Variants in ARID3A observed in about 807,000 individuals in gnomAD.
ARID3A encodes the protein AT-rich interaction domain 3A.
A neutral mutation model predicts 52.7 loss-of-function variants in ARID3A; 11 were observed. The ratio of observed to expected loss-of-function variants is 0.21; its 90% confidence interval spans 0.13 to 0.35. The LOEUF (loss-of-function observed/expected upper bound fraction) is 0.35, where lower values mean the gene tolerates loss of function less well. ARID3A is among the 10% of genes least tolerant of loss of function. The pLI, the probability that ARID3A is intolerant of heterozygous loss-of-function variation, is 1.00. For synonymous variants in ARID3A, 404 were observed against 359.4 expected (o/e 1.12, Z -1.40); for missense variants, 721 against 838.5 (o/e 0.86, Z 1.73).
chr19:937,894 G>T (rs1228278014), intron 3 of ARID3A, among the ~76,000 whole-genome samples: 1 of 151,812 alleles, frequency 6.6e-6, no homozygotes, highest in Non-Finnish European at 1.5e-5. Flanking sequence ...TTTTTTAGTA[G>T]AGATGGGGTT....
intron 4 of ARID3A, among the ~76,000 whole-genome samples, chr19:962,161 C>T (rs2238585): frequency 0.67 from 102,622 of 152,070 alleles, 35,501 homozygotes; most frequent in Middle Eastern, 0.79. Context: ...GCTGAGAATC[C>T]GTCAGGTGAA....
chr19:963,001 G>C (rs2038075375), intron 4 of ARID3A, among the ~76,000 whole-genome samples: 1 of 152,174 alleles, frequency 6.6e-6, no homozygotes, highest in Admixed American at 6.5e-5. Context: ...CTCCAACCTG[G>C]GATCTCCTCC....
In ARID3A at chr19:932,648, C is replaced by T. The variant is rs766151255; in HGVS notation, c.599C>T (p.Pro200Leu). The T allele has an allele frequency of 2.2e-5, 34 of 1,543,050 alleles. 1 individual carries two copies. In the South Asian group the frequency reaches 3.3e-4, roughly 15 times the overall value. The stretch of plus-strand genomic sequence containing the variant: ...CTGGGGGGCCAGGAGCGGCCGGGGC[C>T]TGGCCCTGCCCACCCCGGAGGGGCC... The part of the protein sequence containing the change: ...RVLGGQERPG[P>L]GPAHPGGAAH... Residue 200 changes from proline to leucine, a missense_variant, in exon 3 of 9, where the codon CCT becomes CTT. By Grantham distance (98) the Pro-to-Leu change is moderately conservative. Transcript: ENST00000263620.
intron 3 of ARID3A, among the ~76,000 whole-genome samples, chr19:940,360 C>T (rs1001929753): frequency 6.6e-6 from 1 of 151,728 alleles, no homozygotes; most frequent in Non-Finnish European, 1.5e-5. Context: ...CACTGGGCCG[C>T]ATTTACAGCC....
intron 3 of ARID3A, among the ~76,000 whole-genome samples, chr19:955,788 G>T (rs2037904258): frequency 6.6e-6 from 1 of 152,204 alleles, no homozygotes; most frequent in African/African-American, 2.4e-5. Flanking sequence ...GCCCTGGAAG[G>T]GCCCAAGGTG....
chr19:932,814 G>A (rs148471694), intron 3 of ARID3A, 72 bp downstream of exon 3: 78 of 1,538,324 alleles, frequency 5.1e-5, no homozygotes, highest in Middle Eastern at 2.3e-4. Context: ...GAAGGCCCAC[G>A]TTGCACGGGG....
At chr19:932,284 C>A in intron 2 of ARID3A, 134 bp from the exon 3 acceptor site, 1 of 1,490,296 alleles carries the variant, frequency 6.7e-7, no homozygotes, top group Non-Finnish European at 9.0e-7. Context: ...GCGCTCTCTG[C>A]AGTCTGAGCT....
intron 3 of ARID3A, among the ~76,000 whole-genome samples, chr19:933,734 C>G (rs1017040649): frequency 6.6e-6 from 1 of 152,066 alleles, no homozygotes; most frequent in Admixed American, 6.6e-5. Context: ...GGCCCTAACC[C>G]CAGCAGCCCT....
rs553661215 is a variant in ARID3A, at chr19:938,750, G to A, written c.693+6008G>A. Among the ~76,000 whole-genome samples, 6 of 152,250 alleles carry A rather than the reference G, an allele frequency of 3.9e-5. No individual in the cohort carries two copies. Among genetic ancestry groups the A allele is most frequent in the South Asian group, 2.1e-4 (1 of 4,816 alleles). ...TCAGGCTCAAGGCCAGACACACCTC[G>A]CTGGGCCCAGCCCCAGAGACCGCTG... is the stretch of plus-strand genomic sequence containing the variant. On this transcript the variant is annotated intron_variant, in intron 3 of 8. Coordinates refer to ENST00000263620, the MANE Select transcript of ARID3A (RefSeq NM_005224.3). This position sits in a 1 kb window ranked among gnomAD's most constrained non-coding sequence, Gnocchi z 4.0.
intron 3 of ARID3A, among the ~76,000 whole-genome samples, chr19:934,284 G>A (rs191638947): frequency 3.9e-5 from 6 of 152,240 alleles, no homozygotes; most frequent in East Asian, 1.9e-4. Flanking sequence ...CACACGCCCC[G>A]CCCAGACAGC....
intron 3 of ARID3A, among the ~76,000 whole-genome samples, chr19:954,441 T>G (rs2037872443): frequency 6.6e-6 from 1 of 152,252 alleles, no homozygotes; most frequent in Non-Finnish European, 1.5e-5. Flanking sequence ...CGCATTTTCT[T>G]GGCATCGCAC....
In ARID3A at chr19:941,239, C is replaced by T. The variant is rs1170186931; in HGVS notation, c.693+8497C>T. 6.6e-6 allele frequency among the ~76,000 whole-genome samples: 1 copy of T among 152,248 alleles called. No homozygotes were observed. Among genetic ancestry groups the T allele is most frequent in the Non-Finnish European group, 1.5e-5 (1 of 68,038 alleles). ...GAATGGGCGTGGTGAGCCGCCGTGG[C>T]GTGCGTGCGAGTGTGCACGCTGGGG... On this transcript the variant is annotated intron_variant, in intron 3 of 8. Coordinates refer to ENST00000263620, the MANE Select transcript of ARID3A (RefSeq NM_005224.3). This position sits in a 1 kb window ranked among gnomAD's most constrained non-coding sequence, Gnocchi z 6.9.
intron 2 of ARID3A, 57 bp from the exon 3 acceptor site, chr19:932,361 T>C: frequency 6.4e-7 from 1 of 1,564,000 alleles, no homozygotes; most frequent in Non-Finnish European, 8.6e-7. Flanking sequence ...GGGTCTTTCC[T>C]TGGGCTGGGA....
Position 972,136 on chromosome 19 carries a change from C to G in ARID3A, c.*71C>G, listed in dbSNP as rs1350277434. ...GGGCAGGGGGTCCAGGTGGGCCACA[C>G]AGGGGCCAGGATGGCGGAAGATACG... On this transcript the variant is annotated 3_prime_UTR_variant, in exon 9 of 9. Coordinates refer to ENST00000263620, the MANE Select transcript of ARID3A (RefSeq NM_005224.3). 1.0e-5 allele frequency: 14 copies of G among 1,403,338 alleles called. No individual in the cohort carries two copies. Among genetic ancestry groups the G allele is most frequent in the East Asian group, 3.0e-5 (1 of 33,804 alleles). The allele number at this position is 1,403,338 out of a possible 1,614,324, so 86.9% of individuals were successfully genotyped here. A position where few individuals can be genotyped will look rare whatever the true frequency, so the allele number is the denominator to read the frequency against.
chr19:949,439 A>C (rs535351599), intron 3 of ARID3A, among the ~76,000 whole-genome samples: 6 of 152,140 alleles, frequency 3.9e-5, no homozygotes, highest in Non-Finnish European at 8.8e-5. Flanking sequence ...GGGAGCTGCC[A>C]GGAGTGGGGC....
chr19:957,065 AATTAT>A (rs2037935392), intron 3 of ARID3A, among the ~76,000 whole-genome samples: 1 of 151,932 alleles, frequency 6.6e-6, no homozygotes, highest in East Asian at 1.9e-4. Flanking sequence ...TCCGCTTTCT[AATTAT>A]CCCTGCCGGC....
At position 938,287 on chromosome 19, in the gene ARID3A, G is replaced by A. The variant is rs540329069; in HGVS notation, c.693+5545G>A. Among the ~76,000 whole-genome samples, 1 of 152,336 alleles carries A rather than the reference G, an allele frequency of 6.6e-6. No homozygotes were observed. The highest frequency in any genetic ancestry group is 6.5e-5 in the Admixed American group (1 of 15,300). Reference sequence around the variant, plus strand: ...CATGTAACTTGCAGATGAGCTCAGAGGTGTAGGAATGACGGCACTAGCCGG... The same window carrying A: ...CATGTAACTTGCAGATGAGCTCAGAAGTGTAGGAATGACGGCACTAGCCGG... On this transcript the variant is annotated intron_variant, in intron 3 of 8. Transcript: ENST00000263620. This position sits in a 1 kb window ranked among gnomAD's most constrained non-coding sequence, Gnocchi z 4.0.
chr19:953,150 C>T (rs1293687769), intron 3 of ARID3A, among the ~76,000 whole-genome samples: 1 of 152,030 alleles, frequency 6.6e-6, no homozygotes, highest in Non-Finnish European at 1.5e-5. Flanking sequence ...GTGGTCCGGG[C>T]AGCCGGGGAA....
chr19:959,006 T>A lies in ARID3A; in HGVS notation c.694-1086T>A, dbSNP rs1459299566. Among the ~76,000 whole-genome samples the A allele has an allele frequency of 6.6e-6, 1 of 152,238 alleles. No homozygotes were observed. Among genetic ancestry groups the A allele is most frequent in the African/African-American group, 2.4e-5 (1 of 41,460 alleles). ...ACGGGACCCAGGACAGCCACAGATT[T>A]GTAGCCCAGGAGCGCTGGCTGGGCT... On this transcript the variant is annotated intron_variant, in intron 3 of 8. Transcript: ENST00000263620. The surrounding 1 kb of genome is among the most constrained non-coding windows in gnomAD (Gnocchi z 5.0).
Sources: gnomAD v4.1 joint callset for allele counts (sites outside exome capture counted in the v4.1 genomes callset) on GRCh38, gnomAD v4.1.1 for gene constraint, Gnocchi (gnomAD v3.1) non-coding constraint, MANE v1.5 for transcripts, NCBI Gene and HGNC (gene_info 2026-07-23, HGNC 2026-07-21) for gene names.